RELL1: variants seen among roughly 807,000 people sequenced by gnomAD.
RELL1 encodes RELT-like protein 1.
A neutral mutation model predicts 23.0 loss-of-function variants in RELL1; 10 were observed. That is an observed-to-expected ratio of 0.43 (90% CI 0.27 to 0.74). The LOEUF (loss-of-function observed/expected upper bound fraction) is 0.74. Among genes scored for constraint, RELL1 ranks in the 30% least tolerant of loss-of-function variants. RELL1 has a pLI of 0.19. For synonymous variants in RELL1, 146 were observed against 146.8 expected, an observed-to-expected ratio of 0.99 and a Z score of 0.04; for missense variants, 315 against 364.4, an observed-to-expected ratio of 0.86 and a Z score of 1.10.
At chr4:37,669,434 A>G (rs1219062458) in intron 1 of RELL1, among the ~76,000 whole-genome samples, 49 of 149,864 alleles carry the variant, frequency 3.3e-4, no homozygotes, top group African/African-American at 1.2e-3. Flanking sequence ...CCACCCGGCC[A>G]GCCACCCCGT....
chr4:37,622,760 C>T (rs1577570373), intron 6 of RELL1: 3 of 449,962 alleles, frequency 6.7e-6, no homozygotes, highest in Admixed American at 4.8e-5. Context: ...TCCCTAAACA[C>T]AGCAAACTGC....
chr4:37,683,522 C>T (rs1722289067), intron 1 of RELL1, among the ~76,000 whole-genome samples: 1 of 151,768 alleles, frequency 6.6e-6, no homozygotes, highest in Non-Finnish European at 1.5e-5. Context: ...TTTGGGAGGT[C>T]GAGAAGGGCG....
At chr4:37,618,082 A>G (rs796228196) in intron 6 of RELL1, among the ~76,000 whole-genome samples, 5 of 152,346 alleles carry the variant, frequency 3.3e-5, no homozygotes, top group African/African-American at 1.2e-4. Context: ...ATCAGCTTCG[A>G]CGCAAGAAAA....
intron 6 of RELL1, among the ~76,000 whole-genome samples, chr4:37,597,061 T>C (rs966691849): frequency 2.6e-5 from 4 of 151,532 alleles, no homozygotes; most frequent in Admixed American, 1.3e-4. Flanking sequence ...GCCAATATTT[T>C]TGAAAGCACA....
At chr4:37,638,171 G>A (rs1342655498) in intron 4 of RELL1, among the ~76,000 whole-genome samples, 1 of 152,170 alleles carries the variant, frequency 6.6e-6, no homozygotes, top group Non-Finnish European at 1.5e-5. Flanking sequence ...CCCCACTACG[G>A]GACATTGACA....
intron 1 of RELL1, among the ~76,000 whole-genome samples, chr4:37,684,187 T>A (rs1269217620): frequency 6.6e-6 from 1 of 152,212 alleles, no homozygotes; most frequent in African/African-American, 2.4e-5. Context: ...TACTTCCCTA[T>A]GCTCAAGGTA....
intron 1 of RELL1, among the ~76,000 whole-genome samples, chr4:37,673,258 C>G (rs544989399): frequency 7.1e-6 from 1 of 141,652 alleles, no homozygotes; most frequent in Non-Finnish European, 1.5e-5. Flanking sequence ...GGCACTATCA[C>G]AGCTCACTGC....
At chr4:37,634,803 T>C in intron 5 of RELL1, 84 bp downstream of exon 5, 1 of 1,143,790 alleles carries the variant, frequency 8.7e-7, no homozygotes, top group Non-Finnish European at 1.3e-6. Context: ...AGAGAACATA[T>C]TCTACATCTG....
At chr4:37,631,612 C>G in intron 5 of RELL1, 89 bp from the exon 6 acceptor site, 1 of 1,409,892 alleles carries the variant, frequency 7.1e-7, no homozygotes, top group Non-Finnish European at 9.7e-7. Context: ...CCCAGAGGAT[C>G]TCAAATGAAC....
intron 1 of RELL1, among the ~76,000 whole-genome samples, chr4:37,667,448 G>T (rs1347282986): frequency 6.7e-6 from 1 of 148,548 alleles, no homozygotes; most frequent in African/African-American, 2.5e-5. Context: ...AATCCAGGCA[G>T]CCTGGCTCCA....
chr4:37,589,521 ATTTGT>A (rs1389710222), downstream of RELL1, among the ~76,000 whole-genome samples: 1 of 152,084 alleles, frequency 6.6e-6, no homozygotes, highest in African/African-American at 2.4e-5. Flanking sequence ...GTTAGTGGAC[ATTTGT>A]TTTATTTGTT....
At chr4:37,645,505 C>T (rs927769171) in intron 3 of RELL1, among the ~76,000 whole-genome samples, 2 of 152,166 alleles carry the variant, frequency 1.3e-5, no homozygotes, top group African/African-American at 4.8e-5. Flanking sequence ...TCCAAGTATT[C>T]TGGTCTTTTT....
At chr4:37,631,242 C>T (rs1308876632) in intron 6 of RELL1, 143 bp downstream of exon 6, 1 of 910,698 alleles carries the variant, frequency 1.1e-6, no homozygotes, top group Non-Finnish European at 1.7e-6. Context: ...TTCAGTCCCC[C>T]TCAGTCTTCC....
chr4:37,650,973 T>TC (rs1720912034), intron 1 of RELL1, among the ~76,000 whole-genome samples: 1 of 150,616 alleles, frequency 6.6e-6, no homozygotes, highest in African/African-American at 2.5e-5. Context: ...GTGAGAGGAT[T>TC]GCTTGAGCCT....
intron 1 of RELL1, among the ~76,000 whole-genome samples, chr4:37,670,738 T>G (rs2109308509): frequency 6.6e-6 from 1 of 152,114 alleles, no homozygotes; most frequent in South Asian, 2.1e-4. Flanking sequence ...GCCCAGCTGA[T>G]TTTTTGTATT....
At chr4:37,680,350 A>C (rs1722175461) in intron 1 of RELL1, among the ~76,000 whole-genome samples, 1 of 152,138 alleles carries the variant, frequency 6.6e-6, no homozygotes, top group Admixed American at 6.5e-5. Context: ...TCAGGAACCC[A>C]TTTTCTGTGG....
At chr4:37,622,855 AG>A (rs1307520850) in intron 6 of RELL1, 5 of 448,586 alleles carry the variant, frequency 1.1e-5, no homozygotes, top group African/African-American at 2.1e-5. Flanking sequence ...CCCCGGCTGA[AG>A]TGCAGTGGCA....
At chr4:37,610,542 CTG>C (rs1388148854), downstream of RELL1, among the ~76,000 whole-genome samples, 1 of 152,108 alleles carries the variant, frequency 6.6e-6, no homozygotes, top group Non-Finnish European at 1.5e-5. The surrounding 1 kb of genome is among the most constrained non-coding windows in gnomAD (Gnocchi z 4.1). Context: ...AAATTCAGCA[CTG>C]TAAAAAATTA....
At chr4:37,604,814 C>G (rs1481142520) in intron 6 of RELL1, among the ~76,000 whole-genome samples, 10 of 116,662 alleles carry the variant, frequency 8.6e-5, no homozygotes, top group Middle Eastern at 4.4e-3. Flanking sequence ...CACACAGACA[C>G]ACACACAGAC....
Sources: allele counts gnomAD v4.1 joint callset (sites outside exome capture counted in the v4.1 genomes callset), GRCh38; gene constraint gnomAD v4.1.1; non-coding constraint Gnocchi (gnomAD v3.1); transcripts MANE v1.5; gene names NCBI Gene and HGNC (gene_info 2026-07-23, HGNC 2026-07-21).